GOLGA3: variants seen among roughly 807,000 people sequenced by gnomAD.
GOLGA3 encodes golgin A3, also known as golgin subfamily A member 3.
A neutral mutation model predicts 169.4 loss-of-function variants in GOLGA3; 75 were observed. The ratio of observed to expected loss-of-function variants is 0.44; its 90% CI spans 0.37 to 0.54. The LOEUF (loss-of-function observed/expected upper bound fraction) is 0.54. Ranked by LOEUF, GOLGA3 falls within the 20% of genes least tolerant of loss-of-function variation. GOLGA3 has a pLI of 0.00. For missense variants in GOLGA3, 1,899 were observed against 1,930.0 expected, an observed-to-expected ratio of 0.98 and a Z score of 0.30; for synonymous variants, 824 against 822.4, an observed-to-expected ratio of 1.00 and a Z score of -0.03.
intron 3 of GOLGA3, among the ~76,000 whole-genome samples, chr12:132,816,138 C>T (rs1353147227): frequency 6.6e-6 from 1 of 152,204 alleles, no homozygotes; most frequent in East Asian, 1.9e-4. Flanking sequence ...GCGGAGATTG[C>T]AGTGAGCCGA....
At chr12:132,823,135 G>C (rs1950284150) in intron 1 of GOLGA3, among the ~76,000 whole-genome samples, 1 of 152,244 alleles carries the variant, frequency 6.6e-6, no homozygotes, top group Admixed American at 6.5e-5. Flanking sequence ...CTGCCTTGGA[G>C]TGGGGGCACA....
At chr12:132,781,652 T>C (rs2045614123) in intron 17 of GOLGA3, among the ~76,000 whole-genome samples, 1 of 151,884 alleles carries the variant, frequency 6.6e-6, no homozygotes, top group Non-Finnish European at 1.5e-5. Context: ...ACAGAAGTGG[T>C]GGGAACTAGG....
At chr12:132,798,264 C>T in intron 9 of GOLGA3, 76 bp downstream of exon 9, 1 of 1,353,560 alleles carries the variant, frequency 7.4e-7, no homozygotes, top group Admixed American at 2.2e-5. Context: ...AGAGACGGAA[C>T]ATGTAAGAAA....
chr12:132,780,858 G>A lies in GOLGA3; in HGVS notation c.3522C>T (p.Val1174=). 6.2e-7 allele frequency: 1 copy of A among 1,612,504 alleles called. No homozygotes were observed. The highest frequency in any genetic ancestry group is 8.5e-7 in the Non-Finnish European group (1 of 1,180,010). ...TCTCTAGTGAGGCCTGCAGGGCCTG[G>A]ACAAGATGCTTCATCTGGCGATCCT... The part of the protein sequence containing the change: ...EEEDRQMKHL[V]QALQASLEKE... Residue 1174 remains valine, a synonymous_variant, in exon 18 of 24, where the codon GTC becomes GTT. Transcript: ENST00000450791.
intron 14 of GOLGA3, 54 bp downstream of exon 14, chr12:132,786,639 C>CG: frequency 1.2e-6 from 1 of 848,162 alleles, no homozygotes; most frequent in Non-Finnish European, 1.7e-6. Context: ...TCCCCCCCGG[C>CG]CCCCGCACCT....
rs1269025471 is a variant in GOLGA3 at position 132,777,157 on chromosome 12, G to C, written c.3723-67C>G. On this transcript the variant is annotated intron_variant, in intron 19 of 23. Coordinates refer to ENST00000450791, the MANE Select transcript of GOLGA3 (RefSeq NM_001389683.1). The surrounding 1 kb of genome is among the most constrained non-coding windows in gnomAD (Gnocchi z 4.7). The stretch of plus-strand genomic sequence containing the variant: ...TCCAGTGTGCTGTGCCCTCCCGCTG[G>C]GAAATGCTGCCTGTGGAAGGCGTTC... 2 of 1,505,798 alleles carry C rather than the reference G, an allele frequency of 1.3e-6. No homozygotes were observed. Among genetic ancestry groups the C allele is most frequent in the African/African-American group, 2.8e-5 (2 of 71,626 alleles). The allele number at this position is 1,505,798 out of a possible 1,614,324, so 93.3% of individuals were successfully genotyped here.
At chr12:132,791,165 ACT>A (rs1453804680) in intron 12 of GOLGA3, 49 bp downstream of exon 12, 5 of 1,004,918 alleles carry the variant, frequency 5.0e-6, no homozygotes, top group Admixed American at 1.8e-5. Flanking sequence ...ACCACAGAAA[ACT>A]CTGTTCATAT....
Position 132,803,247 on chromosome 12 carries a change from T to C in GOLGA3, c.1598-1278A>G, listed in dbSNP as rs138210453. Among the ~76,000 whole-genome samples the C allele has an allele frequency of 1.5e-4, 23 of 152,246 alleles. No individual in the cohort carries two copies. In the East Asian group the frequency reaches 4.4e-3, roughly 29 times the overall value. On this transcript the variant is annotated intron_variant, in intron 7 of 23. Coordinates refer to ENST00000450791, the MANE Select transcript of GOLGA3 (RefSeq NM_001389683.1). ...TATCCTGCCCTCCTCAGCGGGCGCC[T>C]AGGATGACTCACGTACTCTGCTGCT... is the stretch of plus-strand genomic sequence containing the variant.
intron 16 of GOLGA3, 113 bp from the exon 17 acceptor site, chr12:132,782,606 G>A: frequency 4.9e-6 from 4 of 818,608 alleles, no homozygotes; most frequent in Non-Finnish European, 8.4e-6. Context: ...GCCAGGCGCA[G>A]AGGCTCACGC....
chr12:132,815,797 G>A (rs1200019789), intron 3 of GOLGA3, among the ~76,000 whole-genome samples: 1 of 152,216 alleles, frequency 6.6e-6, no homozygotes, highest in African/African-American at 2.4e-5. Context: ...CTACTTGACA[G>A]CAGAGGCAGG....
Position 132,769,116 on chromosome 12 carries a change from G to A in GOLGA3, c.*3989C>T, listed in dbSNP as rs1232245911. 1 of 152,324 alleles carries A rather than the reference G, an allele frequency of 6.6e-6. No individual in the cohort carries two copies. Among genetic ancestry groups the A allele is most frequent in the Non-Finnish European group, 1.5e-5 (1 of 68,032 alleles). 9.4% of individuals were successfully genotyped at this position (152,324 alleles called of 1,614,324 possible). A position where few individuals can be genotyped will look rare whatever the true frequency, so the allele number is the denominator to read the frequency against. On this transcript the variant is annotated 3_prime_UTR_variant, in exon 24 of 24. Transcript: ENST00000450791. ...TAACTCAAAAGCACTGAATTTTCCA[G>A]ACCCTCTAACACATTTCCCTCCGGA...
intron 13 of GOLGA3, 106 bp downstream of exon 13, chr12:132,788,921 A>ACCCCGCCCCGGACACAGG (rs1566090085): frequency 4.6e-6 from 1 of 218,786 alleles, no homozygotes; most frequent in African/African-American, 3.3e-5. Context: ...ACCCAGACAG[A>ACCCCGCCCCGGACACAGG]CCCCGCCCCA....
Position 132,777,083 on chromosome 12 carries a change from C to A in GOLGA3, c.3730G>T (p.Glu1244Ter). Residue 1244 changes from glutamate to a stop codon, truncating the protein, a stop_gained, in exon 20 of 24, where the codon GAG (glutamate) becomes TAG (stop). Transcript: ENST00000450791. LOFTEE classifies it high-confidence loss of function. This position sits in a 1 kb window ranked among gnomAD's most constrained non-coding sequence, Gnocchi z 4.7. ...QAEADDLQIR[E>*]GKHSQEIAQF... ...GCTATCTCCTGGGAATGTTTCCCCT[C>A]CCGAATCCTAGCGTAAAAAAACAAG... The A allele has an allele frequency of 6.3e-7, 1 of 1,588,502 alleles. No homozygotes were observed. The highest frequency in any genetic ancestry group is 8.6e-7 in the Non-Finnish European group (1 of 1,169,432).
intron 11 of GOLGA3, among the ~76,000 whole-genome samples, chr12:132,792,611 G>A (rs1482481361): frequency 2.7e-5 from 4 of 150,110 alleles, no homozygotes; most frequent in Admixed American, 6.6e-5. Flanking sequence ...CCCACCCCAC[G>A]GGACCTGCAC....
chr12:132,826,135 G>A lies in GOLGA3; in HGVS notation c.-184+2668C>T, dbSNP rs1950406644. 3.2e-6 allele frequency: 5 copies of A among 1,580,470 alleles called. No individual in the cohort carries two copies. In the South Asian group the frequency reaches 3.3e-5, roughly 10 times the overall value. On this transcript the variant is annotated intron_variant, in intron 1 of 23. Transcript: ENST00000450791. ...TGAGCAAGACAGTGCACCTCAACGTGCTCCAGGTCACCAAGGCTGCCAGCA... is the reference window on the plus strand; with the variant it reads ...TGAGCAAGACAGTGCACCTCAACGTACTCCAGGTCACCAAGGCTGCCAGCA...
chr12:132,812,389 G>T (rs1423439438), intron 4 of GOLGA3, among the ~76,000 whole-genome samples: 1 of 152,062 alleles, frequency 6.6e-6, no homozygotes, highest in East Asian at 1.9e-4. Context: ...TATTACTTAA[G>T]AAATACCTTC....
chr12:132,777,863 G>C lies in GOLGA3; in HGVS notation c.3583-58C>G. On this transcript the variant is annotated intron_variant, in intron 18 of 23. Transcript: ENST00000450791. The surrounding 1 kb of genome is among the most constrained non-coding windows in gnomAD (Gnocchi z 4.7). ...TGCGTGACACCCACAGCTTTATGAC[G>C]TGCCGGGCGCAGGGGGTGAATGCAC... 1 of 1,587,426 alleles carries C rather than the reference G, an allele frequency of 6.3e-7. No individual in the cohort carries two copies. Among genetic ancestry groups the C allele is most frequent in the East Asian group, 2.2e-5 (1 of 44,594 alleles).
chr12:132,801,524 T>C (rs1949125761), intron 8 of GOLGA3, among the ~76,000 whole-genome samples: 1 of 151,914 alleles, frequency 6.6e-6, no homozygotes, highest in Admixed American at 6.6e-5. Context: ...CAAGAGAGGC[T>C]TTGGAACTGA....
At chr12:132,828,901 C>G (rs1950535444), upstream of GOLGA3, 1 of 152,238 alleles carries the variant, frequency 6.6e-6, no homozygotes, top group South Asian at 2.1e-4. Flanking sequence ...GGCCTCGGGT[C>G]CCCGGAAACA....
Sources: allele counts gnomAD v4.1 joint callset (sites outside exome capture counted in the v4.1 genomes callset), GRCh38; gene constraint gnomAD v4.1.1; non-coding constraint Gnocchi (gnomAD v3.1); transcripts MANE v1.5; gene names NCBI Gene and HGNC (gene_info 2026-07-23, HGNC 2026-07-21).